Variants in PTPRF observed in about 807,000 individuals in gnomAD.
PTPRF encodes the protein protein tyrosine phosphatase receptor type F.
A neutral mutation model predicts 201.8 loss-of-function variants in PTPRF; 59 were observed. The ratio of observed to expected loss-of-function variants is 0.29; its 90% confidence interval spans 0.24 to 0.36. PTPRF has a LOEUF of 0.36. PTPRF is among the 10% of genes least tolerant of loss of function. The probability of loss-of-function intolerance (pLI) is 1.00; values close to 1 mark genes in which losing one functional copy is unlikely to be tolerated. For synonymous variants in PTPRF, 1,088 were observed against 1,089.7 expected, an observed-to-expected ratio of 1.00 and a Z score of 0.03; for missense variants, 2,132 against 2,690.5, an observed-to-expected ratio of 0.79 and a Z score of 4.59.
At chr1:43,601,583 C>T (rs982114537) in intron 13 of PTPRF, among the ~76,000 whole-genome samples, 5 of 152,208 alleles carry the variant, frequency 3.3e-5, no homozygotes, top group Non-Finnish European at 7.3e-5. Flanking sequence ...GATGCTTTGG[C>T]GGGTGGAAGG....
rs753240090 is a variant in PTPRF at position 43,591,168 on chromosome 1, C to G, written c.1146C>G (p.Phe382Leu). The G allele has an allele frequency of 6.2e-7, 1 of 1,613,052 alleles. No homozygotes were observed. The highest frequency in any genetic ancestry group is 1.7e-5 in the Admixed American group (1 of 60,026). The change falls in exon 9 of 34, where the codon TTC becomes TTG. Residue 382 changes from phenylalanine (F) to leucine (L), a missense_variant. Phe to Leu is a conservative substitution (Grantham distance 22, BLOSUM62 0). Coordinates refer to ENST00000359947, the MANE Select transcript of PTPRF (RefSeq NM_002840.5). Reference sequence around the variant, plus strand: ...ACAGCATTGGCGGCCTCAGCCCTTTCTCGGAATATGCCTTCCGCGTGCTGG... The same window carrying G: ...ACAGCATTGGCGGCCTCAGCCCTTTGTCGGAATATGCCTTCCGCGTGCTGG... ...TRYSIGGLSP[F>L]SEYAFRVLAV... is the part of the protein sequence containing the mutation.
chr1:43,549,397 T>A (rs1644880340), intron 3 of PTPRF, among the ~76,000 whole-genome samples: 1 of 152,102 alleles, frequency 6.6e-6, no homozygotes, highest in South Asian at 2.1e-4. Context: ...CTACAGCAGC[T>A]TGGCTGGGTG....
rs1470661675 is a variant in PTPRF at position 43,537,509 on chromosome 1, A to T, written c.-125-689A>T. Among the ~76,000 whole-genome samples the T allele has an allele frequency of 1.3e-5, 2 of 152,090 alleles. No homozygotes were observed. Among genetic ancestry groups the T allele is most frequent in the Non-Finnish European group, 2.9e-5 (2 of 68,016 alleles). ...GCCAGCTGTCAGCCAGGCGCTGGGG[A>T]TACGGAAATGAGCTGGGCAGCCACA... On this transcript the variant is annotated intron_variant, in intron 1 of 33. Coordinates refer to ENST00000359947, the MANE Select transcript of PTPRF (RefSeq NM_002840.5). This position sits in a 1 kb window ranked among gnomAD's most constrained non-coding sequence, Gnocchi z 4.8.
At chr1:43,567,578 G>C (rs995169322) in intron 5 of PTPRF, among the ~76,000 whole-genome samples, 4 of 152,202 alleles carry the variant, frequency 2.6e-5, no homozygotes, top group Non-Finnish European at 5.9e-5. Context: ...CCTTTGGGAT[G>C]TCCCTGGCAG....
chr1:43,547,683 C>T (rs1644766343), intron 3 of PTPRF, among the ~76,000 whole-genome samples: 1 of 152,214 alleles, frequency 6.6e-6, no homozygotes, highest in Non-Finnish European at 1.5e-5. Flanking sequence ...GGCCTCTTAA[C>T]GAGACAAATG....
At position 43,546,699 on chromosome 1, in the gene PTPRF, A is replaced by T. The variant is rs570888396; in HGVS notation, c.91+1533A>T. Among the ~76,000 whole-genome samples, 5 of 151,888 alleles carry T rather than the reference A, an allele frequency of 3.3e-5. No homozygotes were observed. Among genetic ancestry groups the T allele is most frequent in the South Asian group, 2.1e-4 (1 of 4,798 alleles). ...AGCTGCCCTCCTCCTCCTGCCTCAGACCCAACGCGCCCCAACCTGTACCCC... is the reference window on the plus strand; with the variant it reads ...AGCTGCCCTCCTCCTCCTGCCTCAGTCCCAACGCGCCCCAACCTGTACCCC... On this transcript the variant is annotated intron_variant, in intron 3 of 33. Coordinates refer to ENST00000359947, the MANE Select transcript of PTPRF (RefSeq NM_002840.5). The surrounding 1 kb of genome is among the most constrained non-coding windows in gnomAD (Gnocchi z 4.2).
Position 43,619,177 on chromosome 1 carries a change from G to T in PTPRF, c.4621G>T (p.Ala1541Ser). The T allele has an allele frequency of 6.2e-7, 1 of 1,609,660 alleles. No homozygotes were observed. The highest frequency in any genetic ancestry group is 8.5e-7 in the Non-Finnish European group (1 of 1,178,052). The change falls in exon 27 of 34, where the codon GCA becomes TCA. Residue 1541 changes from alanine (A) to serine (S), a missense_variant. Ala to Ser is a moderately conservative substitution (Grantham distance 99). Transcript: ENST00000359947. ...GGTCAAGGCCTGCAACCCCCTAGAC[G>T]CAGGGCCCATGGTGGTGCACTGCAG... Reference protein sequence around the residue: ...RRVKACNPLDAGPMVVHCSAG... With the variant: ...RRVKACNPLDSGPMVVHCSAG...
intron 1 of PTPRF, among the ~76,000 whole-genome samples, chr1:43,532,999 GCA>G (rs1643754375): frequency 6.6e-6 from 1 of 152,206 alleles, no homozygotes; most frequent in Non-Finnish European, 1.5e-5. Context: ...CTGTGCACAT[GCA>G]CAGTCATCCT....
chr1:43,620,745 C>A (rs1659023229), intron 31 of PTPRF, 93 bp from the exon 32 acceptor site: 4 of 1,527,094 alleles, frequency 2.6e-6, no homozygotes, highest in South Asian at 2.5e-5. Context: ...GACACAGATG[C>A]ATGCCTGTAT....
chr1:43,547,276 G>A (rs74071964), intron 3 of PTPRF, among the ~76,000 whole-genome samples: 5,938 of 152,258 alleles, frequency 0.039, 386 homozygotes, highest in African/African-American at 0.14. Context: ...TTTTAAAGCA[G>A]AGAACCTCCA....
At chr1:43,551,165 T>G (rs1645014332) in intron 3 of PTPRF, among the ~76,000 whole-genome samples, 1 of 152,100 alleles carries the variant, frequency 6.6e-6, no homozygotes, top group Non-Finnish European at 1.5e-5. Flanking sequence ...CTTCCGCGTG[T>G]TAGGCCAGTG....
At chr1:43,543,171 A>C (rs1644457889) in intron 2 of PTPRF, among the ~76,000 whole-genome samples, 1 of 152,188 alleles carries the variant, frequency 6.6e-6, no homozygotes, top group African/African-American at 2.4e-5. Flanking sequence ...AGGATACCAG[A>C]TGTGTCCACA....
At chr1:43,531,341 C>T (rs980822339) in intron 1 of PTPRF, among the ~76,000 whole-genome samples, 1 of 147,362 alleles carries the variant, frequency 6.8e-6, no homozygotes, top group African/African-American at 2.5e-5. Context: ...CTGGCTGGCT[C>T]GCTCCCCGCC....
chr1:43,597,775 T>C lies in PTPRF; in HGVS notation c.1841T>C (p.Met614Thr), dbSNP rs1363468504. The change falls in exon 12 of 34, where the codon ATG (methionine) becomes ACG (threonine). Residue 614 changes from methionine (M) to threonine (T), a missense_variant. By Grantham distance (81) the Met-to-Thr change is moderately conservative. Around this residue, in one of 6 missense-constraint regions of PTPRF, gnomAD observed 125 missense variants for 211.9 expected, o/e 0.59. Transcript: ENST00000359947. ...CCCTCCGCCCCTCCCCAGAAGGTGA[T>C]GTGTGTGAGCATGGGCTCCACCACG... ...STPSAPPQKV[M>T]CVSMGSTTVR... 4 of 1,601,978 alleles carry C rather than the reference T, an allele frequency of 2.5e-6. No individual in the cohort carries two copies. The highest frequency in any genetic ancestry group is 3.4e-6 in the Non-Finnish European group (4 of 1,174,544).
At chr1:43,529,292 C>T (rs537869498), upstream of PTPRF, among the ~76,000 whole-genome samples, 1 of 152,302 alleles carries the variant, frequency 6.6e-6, no homozygotes, top group Non-Finnish European at 1.5e-5. Flanking sequence ...ATCCCCTCCT[C>T]ATACGCCAGG....
intron 23 of PTPRF, among the ~76,000 whole-genome samples, chr1:43,616,320 G>A (rs767399457): frequency 3.3e-5 from 5 of 151,128 alleles, no homozygotes; most frequent in African/African-American, 4.9e-5. Flanking sequence ...CCTCACTAAC[G>A]CTTCGCTATT....
intron 5 of PTPRF, among the ~76,000 whole-genome samples, chr1:43,568,150 C>G (rs545708304): frequency 6.6e-6 from 1 of 152,018 alleles, no homozygotes; most frequent in Non-Finnish European, 1.5e-5. Flanking sequence ...ACAAAATTTG[C>G]CGGGCGTGGT....
chr1:43,575,219 C>T (rs1646843196), intron 6 of PTPRF, among the ~76,000 whole-genome samples: 1 of 152,188 alleles, frequency 6.6e-6, no homozygotes, highest in African/African-American at 2.4e-5. Context: ...CTCTGGGTTA[C>T]CAACCCTCAG....
chr1:43,556,621 G>A (rs561860505), intron 5 of PTPRF, among the ~76,000 whole-genome samples: 183 of 152,314 alleles, frequency 1.2e-3, no homozygotes, highest in Admixed American at 7.3e-3. Context: ...GAGCCATAGA[G>A]GACAGTGGTT....
Sources: allele counts gnomAD v4.1 joint callset (sites outside exome capture counted in the v4.1 genomes callset), GRCh38; gene constraint gnomAD v4.1.1; regional missense constraint gnomAD v4.1.1; non-coding constraint Gnocchi (gnomAD v3.1); transcripts MANE v1.5; gene names NCBI Gene and HGNC (gene_info 2026-07-23, HGNC 2026-07-21).